The following SLAMF1 variants were observed in gnomAD, a reference collection of about 807,000 sequenced individuals.
The protein encoded by SLAMF1 is signaling lymphocytic activation molecule family member 1.
In SLAMF1, 18 loss-of-function variants were observed where a neutral mutation model predicts 35.1. The observed-to-expected ratio is 0.51, with a 90% CI of 0.35 to 0.76. The LOEUF is 0.76. Ranked by LOEUF, SLAMF1 falls within the 30% of genes least tolerant of loss-of-function variation. SLAMF1 has a pLI of 0.01. For synonymous variants in SLAMF1, 168 were observed against 157.2 expected, an observed-to-expected ratio of 1.07 and a Z score of -0.51; for missense variants, 392 against 413.0, an observed-to-expected ratio of 0.95 and a Z score of 0.44.
intron 3 of SLAMF1, among the ~76,000 whole-genome samples, chr1:160,625,386 A>C (rs1184322737): frequency 2.0e-5 from 3 of 152,322 alleles, no homozygotes. Context: ...TCGGGTTCCA[A>C]AGGAAAGAAT....
intron 1 of SLAMF1, among the ~76,000 whole-genome samples, chr1:160,638,189 T>C (rs1431730610): frequency 6.6e-6 from 1 of 152,050 alleles, no homozygotes; most frequent in African/African-American, 2.4e-5. Context: ...TTCAAACCAC[T>C]ATGAGGGTTC....
At chr1:160,615,569 A>G (rs914083983) in intron 5 of SLAMF1, among the ~76,000 whole-genome samples, 7 of 152,210 alleles carry the variant, frequency 4.6e-5, no homozygotes, top group Non-Finnish European at 1.0e-4. Context: ...GAAATAAGAC[A>G]TCCTACCCAA....
intron 4 of SLAMF1, among the ~76,000 whole-genome samples, chr1:160,621,765 T>G (rs903735620): frequency 1.3e-5 from 2 of 151,692 alleles, no homozygotes; most frequent in African/African-American, 2.4e-5. Context: ...ATGGGATTTT[T>G]TGTGTGTGGG....
At chr1:160,640,065 T>G (rs1046389517) in intron 1 of SLAMF1, among the ~76,000 whole-genome samples, 1 of 152,144 alleles carries the variant, frequency 6.6e-6, no homozygotes, top group Non-Finnish European at 1.5e-5. Flanking sequence ...CTATCTAAAA[T>G]AGCTTTGTGT....
intron 4 of SLAMF1, among the ~76,000 whole-genome samples, chr1:160,621,857 T>TGC (rs1289823900): frequency 2.3e-5 from 2 of 88,498 alleles, no homozygotes; most frequent in Admixed American, 1.1e-4. Context: ...CGTGAGTGCG[T>TGC]GTGTGTGTGT....
At chr1:160,631,328 G>C (rs566383647) in intron 3 of SLAMF1, among the ~76,000 whole-genome samples, 1 of 152,326 alleles carries the variant, frequency 6.6e-6, no homozygotes, top group African/African-American at 2.4e-5. Flanking sequence ...AGGCTGGCAG[G>C]GTGGGGAGGA....
At position 160,634,858 on chromosome 1, in the gene SLAMF1, G is replaced by A. The variant is rs201658044; in HGVS notation, c.455C>T (p.Thr152Ile). ...CAAGGTGCAGGTCCCGTTCTCCTGG[G>A]TCTTGTTTAAAACTTTAATTTCTGG... Reference protein sequence around the residue: ...STPEIKVLNKTQENGTCTLIL... With the variant: ...STPEIKVLNKIQENGTCTLIL... Residue 152 changes from threonine (T) to isoleucine (I), a missense_variant, in exon 3 of 7, where the codon ACC becomes ATC. Physicochemically the swap from Thr to Ile is moderately conservative, Grantham distance 89. Coordinates refer to ENST00000302035, the MANE Select transcript of SLAMF1 (RefSeq NM_003037.5). 3 of 1,613,986 alleles carry A rather than the reference G, an allele frequency of 1.9e-6. No homozygotes were observed. The highest frequency in any genetic ancestry group is 4.5e-5 in the East Asian group (2 of 44,878).
At chr1:160,629,321 C>CTT (rs1553240728) in intron 3 of SLAMF1, among the ~76,000 whole-genome samples, 21 of 151,980 alleles carry the variant, frequency 1.4e-4, no homozygotes, top group African/African-American at 5.1e-4. Context: ...CTCTCTCTCT[C>CTT]TTCTCAAGTC....
rs1432733995 is a variant in SLAMF1 at position 160,634,409 on chromosome 1, A to C, written c.700+204T>G. The C allele has an allele frequency of 3.0e-6, 3 of 984,374 alleles. No homozygotes were observed. In the East Asian group the frequency reaches 3.4e-4, roughly 112 times the overall value. The allele number at this position is 984,374 out of a possible 1,614,324, so 61.0% of individuals were successfully genotyped here. On this transcript the variant is annotated intron_variant, in intron 3 of 6. Coordinates refer to ENST00000302035, the MANE Select transcript of SLAMF1 (RefSeq NM_003037.5). ...TCTATCACCTCCTGTTGGTTTCGTC[A>C]ACTGTGAACTGAGCATAAAAATGCC...
intron 5 of SLAMF1, among the ~76,000 whole-genome samples, chr1:160,618,388 G>A (rs1364769563): frequency 6.6e-6 from 1 of 150,554 alleles, no homozygotes; most frequent in Admixed American, 6.6e-5. Context: ...GCATGAGTGT[G>A]TGTATGTGAG....
intron 4 of SLAMF1, among the ~76,000 whole-genome samples, chr1:160,620,632 A>G (rs2102288168): frequency 6.6e-6 from 1 of 152,334 alleles, no homozygotes; most frequent in South Asian, 2.1e-4. Context: ...TTCTTCCATT[A>G]ACCAACCCAA....
chr1:160,637,524 G>A lies in SLAMF1; in HGVS notation c.82C>T (p.Arg28Cys), dbSNP rs760013516. 3.7e-6 allele frequency: 6 copies of A among 1,607,406 alleles called. No individual in the cohort carries two copies. The highest frequency in any genetic ancestry group is 1.1e-5 in the South Asian group (1 of 90,992). The change falls in exon 2 of 7, where the codon CGC (arginine) becomes TGC (cysteine). Residue 28 changes from arginine to cysteine, a missense_variant. Coordinates refer to ENST00000302035, the MANE Select transcript of SLAMF1 (RefSeq NM_003037.5). ...AFGASYGTGGRMMNCPKILRQ... is the reference protein window; with the variant it reads ...AFGASYGTGGCMMNCPKILRQ... ...AGAATCTTTGGGCAGTTCATCATGC[G>A]CCCACCTGTGGGAGGGAGGAGAAGA... is the stretch of plus-strand genomic sequence containing the variant.
At chr1:160,625,849 GTGTGTA>G (rs973460402) in intron 3 of SLAMF1, among the ~76,000 whole-genome samples, 7 of 146,454 alleles carry the variant, frequency 4.8e-5, no homozygotes, top group South Asian at 2.1e-4. Flanking sequence ...GTGTGTGTGT[GTGTGTA>G]TGTGTGTATG....
chr1:160,643,908 T>TG (rs1171372568), intron 1 of SLAMF1, among the ~76,000 whole-genome samples: 1 of 152,194 alleles, frequency 6.6e-6, no homozygotes, highest in Non-Finnish European at 1.5e-5. Flanking sequence ...GCCTCCAGCA[T>TG]GAGGTATGGA....
At chr1:160,629,303 G>GTCTCTCTC (rs10653393) in intron 3 of SLAMF1, among the ~76,000 whole-genome samples, 1 of 150,200 alleles carries the variant, frequency 6.7e-6, no homozygotes, top group African/African-American at 2.4e-5. Flanking sequence ...ACAGAAGCGT[G>GTCTCTCTC]TCTCTCTCTC....
intron 3 of SLAMF1, among the ~76,000 whole-genome samples, chr1:160,625,673 G>T (rs189193291): frequency 6.6e-6 from 1 of 152,062 alleles, no homozygotes; most frequent in East Asian, 1.9e-4. Context: ...AACTTCAACA[G>T]TCTTATGCTC....
chr1:160,610,723 A>G lies in SLAMF1; in HGVS notation c.*25T>C, dbSNP rs375100688. 4 of 1,594,012 alleles carry G rather than the reference A, an allele frequency of 2.5e-6. No homozygotes were observed. The African/African-American group carries it at 5.4e-5, about 21-fold the overall frequency. On this transcript the variant is annotated 3_prime_UTR_variant, in exon 7 of 7. Transcript: ENST00000302035. ...TTTTGGTTTTTCCATTTTCCTTCAGAAAGTCCCTTTGTTGGTCTCTGGTGT... is the reference window on the plus strand; with the variant it reads ...TTTTGGTTTTTCCATTTTCCTTCAGGAAGTCCCTTTGTTGGTCTCTGGTGT...
At position 160,623,495 on chromosome 1, in the gene SLAMF1, A is replaced by G. The variant is rs571355901; in HGVS notation, c.790+601T>C. ...CTCAGTGTTATGAGGATCAAGTTCT[A>G]TCCTTACCATGGGAAGGCAGCCGGG... On this transcript the variant is annotated intron_variant, in intron 4 of 6. Transcript: ENST00000302035. 1,019 of 398,736 alleles carry G rather than the reference A, an allele frequency of 2.6e-3. 3 individuals are homozygous for G. The highest frequency in any genetic ancestry group is 3.1e-3 in the Non-Finnish European group (698 of 226,160). The allele number at this position is 398,736 out of a possible 1,614,324, so 24.7% of individuals were successfully genotyped here.
At chr1:160,631,711 G>C (rs1660175378) in intron 3 of SLAMF1, among the ~76,000 whole-genome samples, 1 of 152,040 alleles carries the variant, frequency 6.6e-6, no homozygotes, top group Non-Finnish European at 1.5e-5. Flanking sequence ...ACGAAGGAAA[G>C]ACCAGGTGAG....
Sources: allele counts gnomAD v4.1 joint callset (sites outside exome capture counted in the v4.1 genomes callset), GRCh38; gene constraint gnomAD v4.1.1; transcripts MANE v1.5; gene names NCBI Gene and HGNC (gene_info 2026-07-23, HGNC 2026-07-21).